Variants in CPNE3 observed in about 807,000 individuals in gnomAD.
CPNE3 encodes copine 3, also known as copine-3.
Under a neutral mutation model 63.9 loss-of-function variants are expected in CPNE3, and 68 were observed. The observed-to-expected ratio is 1.06, with a 90% CI of 0.87 to 1.30. The LOEUF is 1.30. Among genes scored for constraint, CPNE3 ranks in the 50% most tolerant of loss-of-function variants. The pLI is 0.00. For synonymous variants in CPNE3, 219 were observed against 197.5 expected (o/e 1.11, Z -0.91); for missense variants, 665 against 578.1 (o/e 1.15, Z -1.54).
rs1480732085 is a variant in CPNE3, at chr8:86,551,051, A to G, written c.1019A>G (p.Lys340Arg). The change falls in exon 13 of 17, where the codon AAG (lysine) becomes AGG (arginine). Residue 340 changes from lysine to arginine, a missense_variant. Physicochemically the swap from Lys to Arg is conservative, Grantham distance 26 (BLOSUM62 2). Coordinates refer to ENST00000517490, the MANE Select transcript of CPNE3 (RefSeq NM_003909.5). ...GLVIQDYDAD[K>R]MFPAFGFGAQ... ...AAATATTTTTTTCTTTTTAGTGATA[A>G]GATGTTTCCAGCTTTTGGTTTTGGC... The G allele has an allele frequency of 6.2e-7, 1 of 1,604,198 alleles. No homozygotes were observed. Among genetic ancestry groups the G allele is most frequent in the East Asian group, 2.2e-5 (1 of 44,640 alleles).
chr8:86,526,000 C>T (rs1307956010), intron 2 of CPNE3, among the ~76,000 whole-genome samples: 1 of 152,184 alleles, frequency 6.6e-6, no homozygotes, highest in African/African-American at 2.4e-5. Context: ...GCATTATCTC[C>T]ATTTTTACTG....
chr8:86,539,660 G>GTTTTTTTTTTTTTTTTTTTT (rs369540210), intron 7 of CPNE3, among the ~76,000 whole-genome samples: 4 of 108,152 alleles, frequency 3.7e-5, no homozygotes, highest in Non-Finnish European at 7.1e-5. Context: ...ATCCTCCGCA[G>GTTTTTTTTTTTTTTTTTTTT]TTTTTTTTTT....
chr8:86,536,445 A>G (rs1256746285), intron 6 of CPNE3, among the ~76,000 whole-genome samples: 1 of 151,818 alleles, frequency 6.6e-6, no homozygotes, highest in African/African-American at 2.4e-5. Flanking sequence ...CAAAATAATA[A>G]CAAGGATATT....
chr8:86,529,136 T>C lies in CPNE3; in HGVS notation c.312+12T>C, dbSNP rs376255267. 8.1e-6 allele frequency: 13 copies of C among 1,605,060 alleles called. No individual in the cohort carries two copies. Among genetic ancestry groups the C allele is most frequent in the Non-Finnish European group, 1.0e-5 (12 of 1,173,462 alleles). On this transcript the variant is annotated intron_variant, in intron 4 of 16. Transcript: ENST00000517490. ...GTACCCTTGGACAAGTAAGTATAAATAGCCACTGTACTCTATTTTGTCTAA... is the reference window on the plus strand; with the variant it reads ...GTACCCTTGGACAAGTAAGTATAAACAGCCACTGTACTCTATTTTGTCTAA...
At chr8:86,554,782 A>G (rs1821276806) in intron 14 of CPNE3, 69 bp from the exon 15 acceptor site, 1 of 1,559,646 alleles carries the variant, frequency 6.4e-7, no homozygotes, top group Non-Finnish European at 8.7e-7. Context: ...CAAATTAGCC[A>G]GTATTGTGAA....
At chr8:86,534,671 A>T (rs1043446856) in intron 6 of CPNE3, among the ~76,000 whole-genome samples, 4 of 152,144 alleles carry the variant, frequency 2.6e-5, no homozygotes, top group African/African-American at 9.7e-5. Context: ...AGAAGGAAAA[A>T]AAATTTGTAA....
intron 2 of CPNE3, among the ~76,000 whole-genome samples, chr8:86,519,311 C>T (rs1234048533): frequency 2.0e-5 from 3 of 152,200 alleles, no homozygotes; most frequent in African/African-American, 7.2e-5. Context: ...TGATTGCTTA[C>T]TTTGTAATGA....
intron 10 of CPNE3, chr8:86,547,507 A>T (rs1586845940): frequency 4.0e-6 from 2 of 504,628 alleles, no homozygotes. Flanking sequence ...TAATCTTAAC[A>T]TTGCTACAAT....
intron 12 of CPNE3, among the ~76,000 whole-genome samples, chr8:86,550,252 GTCTT>G (rs913241353): frequency 4.6e-5 from 7 of 152,050 alleles, no homozygotes; most frequent in African/African-American, 1.2e-4. Flanking sequence ...GGAAAAATGT[GTCTT>G]TCTTTCTTTT....
chr8:86,550,988 G>T (rs1430877813), intron 12 of CPNE3, 58 bp from the exon 13 acceptor site: 1 of 1,481,384 alleles, frequency 6.8e-7, no homozygotes, highest in Admixed American at 2.3e-5. Flanking sequence ...TGTGGGCAAA[G>T]ATAAAGCTTT....
At chr8:86,549,158 T>C (rs1179748531) in intron 12 of CPNE3, among the ~76,000 whole-genome samples, 2 of 152,188 alleles carry the variant, frequency 1.3e-5, no homozygotes, top group Non-Finnish European at 2.9e-5. Flanking sequence ...TTATTTTATT[T>C]ACATATTGAT....
intron 8 of CPNE3, among the ~76,000 whole-genome samples, chr8:86,541,056 T>A: frequency 6.6e-6 from 1 of 152,208 alleles, no homozygotes; most frequent in East Asian, 1.9e-4. Flanking sequence ...AGAGGTCTTT[T>A]TTATGTTCAG....
At position 86,548,481 on chromosome 8, in the gene CPNE3, C is replaced by T. The variant is rs114672697; in HGVS notation, c.1013+47C>T. ...CTAAAATACATGTTTTCACAATTCCCCAGAAAGGGTAGTTTGTTTCATCGG... is the reference window on the plus strand; with the variant it reads ...CTAAAATACATGTTTTCACAATTCCTCAGAAAGGGTAGTTTGTTTCATCGG... On this transcript the variant is annotated intron_variant, in intron 12 of 16. Transcript: ENST00000517490. The T allele has an allele frequency of 7.8e-4, 1,255 of 1,610,474 alleles. 8 individuals carry two copies. In the African/African-American group the frequency reaches 0.013, roughly 17 times the overall value.
At position 86,554,945 on chromosome 8, in the gene CPNE3, C is replaced by T. The variant is rs1821284964; in HGVS notation, c.1215C>T (p.Ala405=). ...TNFSPIINHV[A]RFAAAATQQQ... ...TTTCTCCAATCATAAATCACGTGGC[C>T]AGGTTTGCTGCTGCAGCCACGCAAC... The change falls in exon 15 of 17, where the codon GCC becomes GCT. Residue 405 remains alanine (A), a synonymous_variant. Transcript: ENST00000517490. 2 of 1,614,034 alleles carry T rather than the reference C, an allele frequency of 1.2e-6. No individual in the cohort carries two copies. Among genetic ancestry groups the T allele is most frequent in the Non-Finnish European group, 1.7e-6 (2 of 1,180,000 alleles).
intron 16 of CPNE3, among the ~76,000 whole-genome samples, chr8:86,557,039 G>C (rs1187545847): frequency 6.6e-6 from 1 of 152,082 alleles, no homozygotes; most frequent in Non-Finnish European, 1.5e-5. Flanking sequence ...ACCACCATTT[G>C]TGTAACCGTT....
chr8:86,552,453 G>A (rs994158831), intron 14 of CPNE3, among the ~76,000 whole-genome samples: 1 of 152,096 alleles, frequency 6.6e-6, no homozygotes, highest in Non-Finnish European at 1.5e-5. Flanking sequence ...ATAATCTTTA[G>A]AATTTGTTGT....
intron 2 of CPNE3, 75 bp from the exon 3 acceptor site, chr8:86,528,461 C>A (rs996988912): frequency 1.4e-5 from 22 of 1,541,094 alleles, no homozygotes; most frequent in Non-Finnish European, 1.8e-5. Flanking sequence ...AAGAAGTCAC[C>A]TGTTTTTGTT....
intron 11 of CPNE3, among the ~76,000 whole-genome samples, 153 bp downstream of exon 11, chr8:86,547,923 T>C (rs10094332): frequency 0.16 from 23,755 of 152,248 alleles, 1,964 homozygotes; most frequent in Non-Finnish European, 0.19. Flanking sequence ...GGGCTCATCA[T>C]GAAGCTCTCA....
chr8:86,536,268 T>A (rs950631477), intron 6 of CPNE3, among the ~76,000 whole-genome samples: 4 of 147,726 alleles, frequency 2.7e-5, no homozygotes, highest in African/African-American at 5.0e-5. Context: ...GTATTTATGT[T>A]CCCCACCCCC....
Sources: allele counts gnomAD v4.1 joint callset (sites outside exome capture counted in the v4.1 genomes callset), GRCh38; gene constraint gnomAD v4.1.1; transcripts MANE v1.5; gene names NCBI Gene and HGNC (gene_info 2026-07-23, HGNC 2026-07-21).